The following PLCL1 variants were observed in gnomAD, a reference collection of about 807,000 sequenced individuals.
PLCL1 encodes the protein inactive phospholipase C-like protein 1.
In PLCL1, 41 loss-of-function variants were observed where a neutral mutation model predicts 84.4. That is an observed-to-expected ratio of 0.49 (90% confidence interval 0.38 to 0.63). PLCL1 has a LOEUF of 0.63. Among genes scored for constraint, PLCL1 ranks in the 30% least tolerant of loss-of-function variants. The probability of loss-of-function intolerance (pLI) is 0.00; values close to 1 mark genes in which losing one functional copy is unlikely to be tolerated. For synonymous variants in PLCL1, 490 were observed against 488.3 expected (o/e 1.00, Z -0.05); for missense variants, 1,206 against 1,367.8 (o/e 0.88, Z 1.87).
chr2:198,019,968 ATG>A (rs1314847085), intron 1 of PLCL1, among the ~76,000 whole-genome samples: 1 of 152,214 alleles, frequency 6.6e-6, no homozygotes, highest in African/African-American at 2.4e-5. Flanking sequence ...GAAGGGAAAA[ATG>A]TTAAGGGCAG....
chr2:197,961,925 C>G (rs1296771491), intron 1 of PLCL1, among the ~76,000 whole-genome samples: 1 of 152,000 alleles, frequency 6.6e-6, no homozygotes, highest in Non-Finnish European at 1.5e-5. Flanking sequence ...AAGGCTGTAT[C>G]TGTTTGAAGT....
At chr2:197,938,997 T>A (rs902364531) in intron 1 of PLCL1, among the ~76,000 whole-genome samples, 1 of 152,194 alleles carries the variant, frequency 6.6e-6, no homozygotes, top group African/African-American at 2.4e-5. Flanking sequence ...TTGTGAATTA[T>A]AGGGAACAGA....
At chr2:197,905,207 A>G (rs1483683627) in intron 1 of PLCL1, among the ~76,000 whole-genome samples, 1 of 152,082 alleles carries the variant, frequency 6.6e-6, no homozygotes, top group Non-Finnish European at 1.5e-5. Flanking sequence ...TTTAAGCCCC[A>G]CATGCATTAG....
rs975775697 is a variant in PLCL1, at chr2:198,148,357, A to G, written c.*1395A>G. The G allele has an allele frequency of 1.3e-5, 2 of 152,346 alleles. No individual in the cohort carries two copies. The highest frequency in any genetic ancestry group is 2.9e-5 in the Non-Finnish European group (2 of 68,036). The allele number at this position is 152,346 out of a possible 1,614,324, so 9.4% of individuals were successfully genotyped here. A position where few individuals can be genotyped will look rare whatever the true frequency, so the allele number is the denominator to read the frequency against. On this transcript the variant is annotated 3_prime_UTR_variant, in exon 6 of 6. Coordinates refer to ENST00000428675, the MANE Select transcript of PLCL1 (RefSeq NM_006226.4). Reference sequence around the variant, plus strand: ...GTGTTATTTCTGACTTCTTAACACTATTATGTTTATGTTGCACATTACTGA... The same window carrying G: ...GTGTTATTTCTGACTTCTTAACACTGTTATGTTTATGTTGCACATTACTGA...
chr2:198,007,723 G>A (rs553602927), intron 1 of PLCL1, among the ~76,000 whole-genome samples: 1 of 152,234 alleles, frequency 6.6e-6, no homozygotes, highest in East Asian at 1.9e-4. Flanking sequence ...AGTCAGGTCT[G>A]TGTTTCATTA....
At chr2:198,042,044 C>T (rs1283339873) in intron 1 of PLCL1, among the ~76,000 whole-genome samples, 1 of 152,180 alleles carries the variant, frequency 6.6e-6, no homozygotes, top group Non-Finnish European at 1.5e-5. Flanking sequence ...TTTCCAGTCT[C>T]CTTTGGAGCT....
chr2:197,854,221 G>A (rs973088891), intron 1 of PLCL1, among the ~76,000 whole-genome samples: 12 of 152,182 alleles, frequency 7.9e-5, no homozygotes, highest in Non-Finnish European at 4.4e-5. Flanking sequence ...AGGGTACTCT[G>A]AATTGAAATG....
chr2:197,917,060 A>G (rs1213618376), intron 1 of PLCL1, among the ~76,000 whole-genome samples: 1 of 152,242 alleles, frequency 6.6e-6, no homozygotes, highest in Non-Finnish European at 1.5e-5. Context: ...TGCTTCTGGG[A>G]AAACAAAATG....
chr2:198,061,939 C>T (rs974682769), intron 1 of PLCL1, among the ~76,000 whole-genome samples: 2 of 152,168 alleles, frequency 1.3e-5, no homozygotes, highest in African/African-American at 2.4e-5. Context: ...TTGATTCTTA[C>T]TTTTTCCTCC....
chr2:197,899,447 T>G (rs1688219227), intron 1 of PLCL1, among the ~76,000 whole-genome samples: 1 of 151,990 alleles, frequency 6.6e-6, no homozygotes, highest in Non-Finnish European at 1.5e-5. Context: ...TTTAGATTAT[T>G]TTGTTTCATG....
chr2:198,008,808 A>G (rs1330051848), intron 1 of PLCL1, among the ~76,000 whole-genome samples: 1 of 152,050 alleles, frequency 6.6e-6, no homozygotes, highest in Non-Finnish European at 1.5e-5. Flanking sequence ...GCATCATTTT[A>G]CATTCCCACC....
At chr2:198,008,729 T>C (rs1690793320) in intron 1 of PLCL1, among the ~76,000 whole-genome samples, 1 of 152,030 alleles carries the variant, frequency 6.6e-6, no homozygotes, top group Non-Finnish European at 1.5e-5. Flanking sequence ...ACAAATGGGA[T>C]TGTTGGATCA....
At chr2:197,824,025 A>C (rs1219153745) in intron 1 of PLCL1, among the ~76,000 whole-genome samples, 5 of 152,168 alleles carry the variant, frequency 3.3e-5, no homozygotes, top group Non-Finnish European at 7.4e-5. Flanking sequence ...AATGATTTTT[A>C]AGTACTTACA....
intron 5 of PLCL1, among the ~76,000 whole-genome samples, chr2:198,123,125 C>G (rs1693907781): frequency 6.6e-6 from 1 of 152,024 alleles, no homozygotes; most frequent in African/African-American, 2.4e-5. Context: ...CAATTAAACT[C>G]CTGAACTTGT....
chr2:197,910,833 G>A (rs1688472472), intron 1 of PLCL1, among the ~76,000 whole-genome samples: 1 of 152,104 alleles, frequency 6.6e-6, no homozygotes, highest in Non-Finnish European at 1.5e-5. Flanking sequence ...ATTACATTTA[G>A]TATTTACTTC....
intron 1 of PLCL1, among the ~76,000 whole-genome samples, chr2:198,079,329 T>C (rs928558646): frequency 1.3e-4 from 19 of 151,824 alleles, no homozygotes; most frequent in African/African-American, 4.6e-4. Context: ...TATTTTGCTG[T>C]TGTGACGAGT....
intron 1 of PLCL1, among the ~76,000 whole-genome samples, chr2:197,832,340 A>G (rs1691084990): frequency 6.6e-6 from 1 of 152,260 alleles, no homozygotes; most frequent in Non-Finnish European, 1.5e-5. Context: ...CCGATCCCAC[A>G]GAAATACGAA....
Position 197,848,856 on chromosome 2 carries a change from A to T in PLCL1, c.240+43517A>T, listed in dbSNP as rs77578555. On this transcript the variant is annotated intron_variant, in intron 1 of 5. Coordinates refer to ENST00000428675, the MANE Select transcript of PLCL1 (RefSeq NM_006226.4). ...AAATATAGGACCACAGAGATGAGAC[A>T]AGTACTACCAGTCCTGGGGAAGTAA... 6.8e-3 allele frequency among the ~76,000 whole-genome samples: 1,029 copies of T among 152,184 alleles called. 14 individuals are homozygous for T. The highest frequency in any genetic ancestry group is 0.023 in the African/African-American group (966 of 41,524).
intron 1 of PLCL1, among the ~76,000 whole-genome samples, chr2:198,075,859 T>C (rs1172903560): frequency 6.6e-6 from 1 of 152,232 alleles, no homozygotes; most frequent in Non-Finnish European, 1.5e-5. Context: ...TTGGGATTAA[T>C]GATTTTTTAA....
Sources: gnomAD v4.1 joint callset for allele counts (sites outside exome capture counted in the v4.1 genomes callset) on GRCh38, gnomAD v4.1.1 for gene constraint, MANE v1.5 for transcripts, NCBI Gene and HGNC (gene_info 2026-07-23, HGNC 2026-07-21) for gene names.